ALDH18A1: variants seen among roughly 807,000 people sequenced by gnomAD.
The protein encoded by ALDH18A1 is aldehyde dehydrogenase 18 family member A1, also known as delta-1-pyrroline-5-carboxylate synthase.
In ALDH18A1, 44 loss-of-function variants were observed where a neutral mutation model predicts 88.8. That is an observed-to-expected ratio of 0.50 (90% confidence interval 0.39 to 0.64). ALDH18A1 has a LOEUF of 0.64. ALDH18A1 is among the 30% of genes least tolerant of loss of function. The probability of loss-of-function intolerance (pLI) is 0.00; values close to 1 mark genes in which losing one functional copy is unlikely to be tolerated. For synonymous variants in ALDH18A1, 331 were observed against 372.1 expected, an observed-to-expected ratio of 0.89 and a Z score of 1.27; for missense variants, 782 against 1,009.5, an observed-to-expected ratio of 0.77 and a Z score of 3.05.
rs565349201 is a variant in ALDH18A1 at position 95,606,513 on chromosome 10, A to G, written c.*249T>C. 2 of 1,356,784 alleles carry G rather than the reference A, an allele frequency of 1.5e-6. No homozygotes were observed. Among genetic ancestry groups the G allele is most frequent in the Non-Finnish European group, 9.5e-7 (1 of 1,052,016 alleles). The allele number at this position is 1,356,784 out of a possible 1,614,324, so 84.0% of individuals were successfully genotyped here. A position where few individuals can be genotyped will look rare whatever the true frequency, so the allele number is the denominator to read the frequency against. Reference sequence around the variant, plus strand: ...ATGCACCTTTCAATCCTAGAAGATAATTGGACTTGGCAAAGTCCCTATCGG... The same window carrying G: ...ATGCACCTTTCAATCCTAGAAGATAGTTGGACTTGGCAAAGTCCCTATCGG... On this transcript the variant is annotated 3_prime_UTR_variant, in exon 18 of 18. Transcript: ENST00000371224.
At chr10:95,629,867 C>G (rs1322653531) in intron 7 of ALDH18A1, among the ~76,000 whole-genome samples, 1 of 152,092 alleles carries the variant, frequency 6.6e-6, no homozygotes, top group East Asian at 1.9e-4. Flanking sequence ...GTGCTTGAAG[C>G]TGCATCAAAA....
intron 3 of ALDH18A1, among the ~76,000 whole-genome samples, chr10:95,639,961 G>C (rs1016053025): frequency 6.6e-6 from 1 of 151,446 alleles, no homozygotes; most frequent in Non-Finnish European, 1.5e-5. Flanking sequence ...AAGTTGTGGT[G>C]TACATGTTCA....
intron 3 of ALDH18A1, among the ~76,000 whole-genome samples, chr10:95,641,870 G>A (rs1341858442): frequency 6.6e-6 from 1 of 152,016 alleles, no homozygotes; most frequent in Non-Finnish European, 1.5e-5. Context: ...TCGAACTCCT[G>A]GGCTCAAGCA....
Position 95,611,246 on chromosome 10 carries a change from G to A in ALDH18A1, c.2110+10C>T, listed in dbSNP as rs2097833713. 6.2e-6 allele frequency: 10 copies of A among 1,613,640 alleles called. No individual in the cohort carries two copies. The highest frequency in any genetic ancestry group is 8.5e-6 in the Non-Finnish European group (10 of 1,179,912). ...CAGACACTGTATGCGGGAAGCATCT[G>A]GACACTGACCGTCCTCTGTGACGAT... On this transcript the variant is annotated intron_variant, in intron 16 of 17. Transcript: ENST00000371224.
At position 95,637,439 on chromosome 10, in the gene ALDH18A1, G is replaced by A. The variant is rs188362786; in HGVS notation, c.304-3C>T. 61 of 1,614,020 alleles carry A rather than the reference G, an allele frequency of 3.8e-5. No individual in the cohort carries two copies. In the East Asian group the frequency reaches 1.2e-3, roughly 31 times the overall value. On this transcript the variant is annotated splice_polypyrimidine_tract_variant and splice_region_variant and intron_variant, in intron 3 of 17. Coordinates refer to ENST00000371224, the MANE Select transcript of ALDH18A1 (RefSeq NM_002860.4). ...CCCTGATTCTGCAGCACTGATACCTGGGCATTGAGAAAGGAAAGGGGACTG... is the reference window on the plus strand; with the variant it reads ...CCCTGATTCTGCAGCACTGATACCTAGGCATTGAGAAAGGAAAGGGGACTG...
At chr10:95,609,767 C>CTCTTTTTTTTTT (rs1193875091) in intron 17 of ALDH18A1, among the ~76,000 whole-genome samples, 2 of 30,694 alleles carry the variant, frequency 6.5e-5, no homozygotes, top group Non-Finnish European at 1.8e-4. Flanking sequence ...AAGTCTGTCT[C>CTCTTTTTTTTTT]TATTTTTTTT....
At chr10:95,644,908 T>C (rs2097898626) in intron 2 of ALDH18A1, among the ~76,000 whole-genome samples, 1 of 152,248 alleles carries the variant, frequency 6.6e-6, no homozygotes, top group African/African-American at 2.4e-5. Context: ...CCCTGATGGA[T>C]TTCACAGTGC....
intron 17 of ALDH18A1, among the ~76,000 whole-genome samples, chr10:95,608,148 A>G (rs2097826290): frequency 6.6e-6 from 1 of 152,270 alleles, no homozygotes; most frequent in South Asian, 2.1e-4. Flanking sequence ...TGCATTTCAC[A>G]AGGAATTTAA....
intron 8 of ALDH18A1, among the ~76,000 whole-genome samples, chr10:95,628,156 A>G (rs535690765): frequency 6.6e-6 from 1 of 152,380 alleles, no homozygotes; most frequent in East Asian, 1.9e-4. Context: ...CACACTGTTC[A>G]TACAATATTA....
chr10:95,632,986 G>T lies in ALDH18A1; in HGVS notation c.781C>A (p.Leu261Ile), dbSNP rs200172733. 8.2e-5 allele frequency: 133 copies of T among 1,614,108 alleles called. No individual in the cohort carries two copies. Among genetic ancestry groups the T allele is most frequent in the Non-Finnish European group, 1.1e-4 (130 of 1,179,976 alleles). Reference sequence around the variant, plus strand: ...TCTACATCTGAAAGAACAATCAAGAGATCAGTTTTCATTTCCACAGCCAGT... The same window carrying T: ...TCTACATCTGAAAGAACAATCAAGATATCAGTTTTCATTTCCACAGCCAGT... ...ARLAVEMKTD[L>I]LIVLSDVEGL... is the part of the protein sequence containing the mutation. The change falls in exon 7 of 18, where the codon CTC becomes ATC. Residue 261 changes from leucine (L) to isoleucine (I), a missense_variant. By Grantham distance (5) the Leu-to-Ile change is conservative. Coordinates refer to ENST00000371224, the MANE Select transcript of ALDH18A1 (RefSeq NM_002860.4).
chr10:95,622,745 G>C (rs1337266347), intron 11 of ALDH18A1, among the ~76,000 whole-genome samples: 1 of 151,838 alleles, frequency 6.6e-6, no homozygotes, highest in African/African-American at 2.4e-5. Context: ...CACTGTGTTA[G>C]CCAGGATGGT....
chr10:95,607,526 AG>A (rs35975690), intron 17 of ALDH18A1, among the ~76,000 whole-genome samples: 15,415 of 152,162 alleles, frequency 0.1, 918 homozygotes, highest in Middle Eastern at 0.2. Context: ...CAGTGGAGGC[AG>A]GGTTCCCTCA....
At position 95,606,685 on chromosome 10, in the gene ALDH18A1, G is replaced by T; in HGVS notation, c.*77C>A. On this transcript the variant is annotated 3_prime_UTR_variant, in exon 18 of 18. Transcript: ENST00000371224. ...GACCCTACCAGGAACTGGGAGACAAGAGCGGGCTCTCTCCTGAGATAAGAC... is the reference window on the plus strand; with the variant it reads ...GACCCTACCAGGAACTGGGAGACAATAGCGGGCTCTCTCCTGAGATAAGAC... 1 of 1,612,432 alleles carries T rather than the reference G, an allele frequency of 6.2e-7. No homozygotes were observed. Among genetic ancestry groups the T allele is most frequent in the South Asian group, 1.1e-5 (1 of 90,578 alleles).
At chr10:95,614,500 A>G (rs1269475807) in intron 13 of ALDH18A1, among the ~76,000 whole-genome samples, 1 of 152,260 alleles carries the variant, frequency 6.6e-6, no homozygotes, top group African/African-American at 2.4e-5. Context: ...TGCCAGAAGC[A>G]GCACAAAGGG....
At chr10:95,620,261 A>G (rs1015402962) in intron 12 of ALDH18A1, among the ~76,000 whole-genome samples, 7 of 152,216 alleles carry the variant, frequency 4.6e-5, no homozygotes, top group African/African-American at 1.7e-4. Context: ...TTAGAATGGC[A>G]TTCATTAAAA....
chr10:95,625,299 A>C, intron 11 of ALDH18A1, 63 bp downstream of exon 11: 1 of 1,374,484 alleles, frequency 7.3e-7, no homozygotes, highest in African/African-American at 1.4e-5. Context: ...TTATTAGTAA[A>C]ACTAAAAACC....
chr10:95,622,074 T>C (rs187863753), intron 11 of ALDH18A1, among the ~76,000 whole-genome samples: 162 of 152,308 alleles, frequency 1.1e-3, no homozygotes, highest in African/African-American at 3.8e-3. Context: ...TAATAATCTA[T>C]CTTTCTATTT....
intron 5 of ALDH18A1, 102 bp from the exon 6 acceptor site, chr10:95,633,751 T>A: frequency 7.8e-7 from 1 of 1,278,820 alleles, no homozygotes; most frequent in Non-Finnish European, 1.1e-6. Flanking sequence ...TTTAGGTTTC[T>A]GGGGCCCCAC....
intron 12 of ALDH18A1, among the ~76,000 whole-genome samples, chr10:95,617,625 T>C (rs969755960): frequency 2.6e-5 from 4 of 152,202 alleles, no homozygotes; most frequent in Admixed American, 2.0e-4. Context: ...ATCCTACCTC[T>C]TACAAAAGTT....
Sources: allele counts gnomAD v4.1 joint callset (sites outside exome capture counted in the v4.1 genomes callset), GRCh38; gene constraint gnomAD v4.1.1; transcripts MANE v1.5; gene names NCBI Gene and HGNC (gene_info 2026-07-23, HGNC 2026-07-21).